Variants in TRABD2B observed in about 807,000 individuals in gnomAD.
The protein encoded by TRABD2B is TraB domain containing 2B.
A neutral mutation model predicts 40.1 loss-of-function variants in TRABD2B; 14 were observed. The observed-to-expected ratio is 0.35, with a 90% CI of 0.23 to 0.55. The LOEUF is 0.55. TRABD2B is among the 20% of genes least tolerant of loss of function. The pLI, the probability that TRABD2B is intolerant of heterozygous loss-of-function variation, is 0.90. For missense variants in TRABD2B, 541 were observed against 648.6 expected, an observed-to-expected ratio of 0.83 and a Z score of 1.80; for synonymous variants, 263 against 277.0, an observed-to-expected ratio of 0.95 and a Z score of 0.50.
chr1:47,847,960 G>T (rs557047846), intron 2 of TRABD2B, among the ~76,000 whole-genome samples: 2 of 152,246 alleles, frequency 1.3e-5, no homozygotes, highest in Admixed American at 6.5e-5. Context: ...CGGGGCTGAC[G>T]CCATAAATTC....
intron 2 of TRABD2B, among the ~76,000 whole-genome samples, chr1:47,980,172 T>C (rs1435274813): frequency 6.6e-6 from 1 of 152,156 alleles, no homozygotes; most frequent in African/African-American, 2.4e-5. Context: ...GTGAGTGTTA[T>C]GAGTAACTAT....
intron 2 of TRABD2B, among the ~76,000 whole-genome samples, chr1:47,954,623 C>T (rs555677874): frequency 9.9e-5 from 15 of 152,186 alleles, no homozygotes; most frequent in African/African-American, 3.1e-4. Context: ...TGAATAAGGT[C>T]GTGGGGTTGA....
At chr1:47,839,808 T>A (rs1231561002) in intron 2 of TRABD2B, among the ~76,000 whole-genome samples, 1 of 152,066 alleles carries the variant, frequency 6.6e-6, no homozygotes. Context: ...ATTTAATCTC[T>A]CTCTGTGACT....
chr1:47,953,777 G>C (rs1441213116), intron 2 of TRABD2B, among the ~76,000 whole-genome samples: 1 of 152,212 alleles, frequency 6.6e-6, no homozygotes, highest in Non-Finnish European at 1.5e-5. Context: ...GGAAATGTGA[G>C]TTTCTTATTC....
chr1:47,955,930 C>T (rs1347921606), intron 2 of TRABD2B, among the ~76,000 whole-genome samples: 12 of 152,200 alleles, frequency 7.9e-5, no homozygotes, highest in Admixed American at 7.9e-4. Context: ...TCCTAGGCTG[C>T]TGCCTCAGTC....
Position 47,994,439 on chromosome 1 carries a change from G to A in TRABD2B, c.261C>T (p.Asp87=). The A allele has an allele frequency of 3.9e-6, 6 of 1,536,170 alleles. No individual in the cohort carries two copies. Among genetic ancestry groups the A allele is most frequent in the Non-Finnish European group, 5.2e-6 (6 of 1,146,918 alleles). ...QASTRVYFEL[D]LTDPYTISAL... Reference sequence around the variant, plus strand: ...CCGAGATGGTGTAGGGGTCTGTAAGGTCCAGCTCAAAGTAGACACGGGTGC... The same window carrying A: ...CCGAGATGGTGTAGGGGTCTGTAAGATCCAGCTCAAAGTAGACACGGGTGC... The change falls in exon 2 of 7, where the codon GAC becomes GAT. Residue 87 remains aspartate, a synonymous_variant. Transcript: ENST00000606738. The surrounding 1 kb of genome is among the most constrained non-coding windows in gnomAD (Gnocchi z 6.7).
intron 2 of TRABD2B, among the ~76,000 whole-genome samples, chr1:47,843,334 A>G (rs1645425262): frequency 6.6e-6 from 1 of 152,072 alleles, no homozygotes; most frequent in Admixed American, 6.6e-5. Flanking sequence ...AAGGGGAGAA[A>G]GTGAGCAGGG....
chr1:47,863,675 C>T (rs2124563837), intron 2 of TRABD2B, among the ~76,000 whole-genome samples: 1 of 152,174 alleles, frequency 6.6e-6, no homozygotes, highest in Non-Finnish European at 1.5e-5. Flanking sequence ...GGTACAGCCA[C>T]TTTGGAAGAT....
At chr1:47,903,405 G>A (rs1032213189) in intron 2 of TRABD2B, among the ~76,000 whole-genome samples, 1 of 152,128 alleles carries the variant, frequency 6.6e-6, no homozygotes, top group African/African-American at 2.4e-5. Context: ...TTGGTGTGAA[G>A]ATCTCGCTGT....
intron 2 of TRABD2B, among the ~76,000 whole-genome samples, chr1:47,846,561 T>C (rs1007134062): frequency 1.3e-5 from 2 of 151,798 alleles, no homozygotes; most frequent in Non-Finnish European, 2.9e-5. Flanking sequence ...GCTGGGGAGG[T>C]TGAGTGAGAC....
chr1:47,775,070 G>T (rs754917401), intron 6 of TRABD2B, 100 bp downstream of exon 6: 32 of 1,148,238 alleles, frequency 2.8e-5, no homozygotes, highest in Non-Finnish European at 3.3e-5. Context: ...TTAGAGCAGG[G>T]CTGGCCTGAC....
chr1:47,875,282 T>G (rs1644207265), intron 2 of TRABD2B, among the ~76,000 whole-genome samples: 1 of 151,386 alleles, frequency 6.6e-6, no homozygotes, highest in African/African-American at 2.4e-5. Flanking sequence ...CCTACCACAA[T>G]AGGAGCTGAG....
chr1:47,764,040 A>G lies in TRABD2B; in HGVS notation c.*1862T>C, dbSNP rs1324030527. The G allele has an allele frequency of 6.6e-6, 1 of 152,266 alleles. No individual in the cohort carries two copies. Among genetic ancestry groups the G allele is most frequent in the African/African-American group, 2.4e-5 (1 of 41,468 alleles). The allele number at this position is 152,266 out of a possible 1,614,324, so 9.4% of individuals were successfully genotyped here. A position where few individuals can be genotyped will look rare whatever the true frequency, so the allele number is the denominator to read the frequency against. On this transcript the variant is annotated 3_prime_UTR_variant, in exon 7 of 7. Coordinates refer to ENST00000606738, the MANE Select transcript of TRABD2B (RefSeq NM_001194986.2). ...CACGTCCATCAGGGCTGAGCTGTAA[A>G]GAATTCAGCTGCCTGCCAAGATGCC...
chr1:47,913,444 C>T (rs1483217661), intron 2 of TRABD2B, among the ~76,000 whole-genome samples: 1 of 152,198 alleles, frequency 6.6e-6, no homozygotes, highest in Non-Finnish European at 1.5e-5. Context: ...GAGAGGCACC[C>T]AGTCGGTTCT....
At chr1:47,788,812 T>G (rs1362740824) in intron 4 of TRABD2B, among the ~76,000 whole-genome samples, 4 of 152,164 alleles carry the variant, frequency 2.6e-5, no homozygotes, top group African/African-American at 9.7e-5. Context: ...TCTCAGAGTT[T>G]GAAATGAATG....
rs1284310208 is a variant in TRABD2B at position 47,994,525 on chromosome 1, C to T, written c.175G>A (p.Val59Ile). The T allele has an allele frequency of 2.6e-6, 4 of 1,536,102 alleles. No individual in the cohort carries two copies. Among genetic ancestry groups the T allele is most frequent in the Non-Finnish European group, 3.5e-6 (4 of 1,146,920 alleles). ...PPAYLFGTIH[V>I]PYTRVWDFIP... is the part of the protein sequence containing the mutation. ...AAGTCCCAGACGCGGGTGTAGGGGA[C>T]GTGAATAGTGCCAAACAGGTAGGCC... Residue 59 changes from valine to isoleucine, a missense_variant, in exon 2 of 7, where the codon GTC becomes ATC. This residue lies in a region of TRABD2B where 369 missense variants were observed against 492.8 expected (regional missense o/e 0.75). Transcript: ENST00000606738. The surrounding 1 kb of genome is among the most constrained non-coding windows in gnomAD (Gnocchi z 6.7).
At chr1:47,769,240 C>A (rs1378520425) in intron 6 of TRABD2B, among the ~76,000 whole-genome samples, 1 of 152,230 alleles carries the variant, frequency 6.6e-6, no homozygotes, top group Non-Finnish European at 1.5e-5. Flanking sequence ...GTCCTCCTAG[C>A]TGCTGCCCCA....
chr1:47,891,609 C>A (rs199698344), intron 2 of TRABD2B, among the ~76,000 whole-genome samples: 1 of 152,052 alleles, frequency 6.6e-6, no homozygotes, highest in East Asian at 1.9e-4. Flanking sequence ...CTAGCCTGAG[C>A]AACATAGTGA....
At chr1:47,941,652 T>C (rs1325693680) in intron 2 of TRABD2B, among the ~76,000 whole-genome samples, 1 of 152,222 alleles carries the variant, frequency 6.6e-6, no homozygotes, top group Non-Finnish European at 1.5e-5. Flanking sequence ...AGGCTGTCTG[T>C]TACAAGGTTG....
Sources: gnomAD v4.1 joint callset for allele counts (sites outside exome capture counted in the v4.1 genomes callset) on GRCh38, gnomAD v4.1.1 for gene constraint, gnomAD v4.1.1 regional missense constraint, Gnocchi (gnomAD v3.1) non-coding constraint, MANE v1.5 for transcripts, NCBI Gene and HGNC (gene_info 2026-07-23, HGNC 2026-07-21) for gene names.